The following HMBOX1 variants were observed in gnomAD, a reference collection of about 807,000 sequenced individuals.
The protein encoded by HMBOX1 is homeobox containing 1.
Under a neutral mutation model 54.5 loss-of-function variants are expected in HMBOX1, and 14 were observed. The ratio of observed to expected loss-of-function variants is 0.26; its 90% CI spans 0.17 to 0.40. HMBOX1 has a LOEUF of 0.40. Ranked by LOEUF, HMBOX1 falls within the 10% of genes least tolerant of loss-of-function variation. The pLI is 1.00. For synonymous variants in HMBOX1, 160 were observed against 181.0 expected, an observed-to-expected ratio of 0.88 and a Z score of 0.93; for missense variants, 332 against 514.4, an observed-to-expected ratio of 0.65 and a Z score of 3.43.
chr8:29,009,419 T>C (rs150918947), intron 5 of HMBOX1: 1 of 976,894 alleles, frequency 1.0e-6, no homozygotes, highest in South Asian at 4.8e-5. Flanking sequence ...CTCTTTGCTT[T>C]CAGGTTATAT....
At chr8:28,923,041 A>G (rs1217054775) in intron 1 of HMBOX1, among the ~76,000 whole-genome samples, 4 of 152,234 alleles carry the variant, frequency 2.6e-5, no homozygotes, top group African/African-American at 7.2e-5. Flanking sequence ...TGACTATTTT[A>G]ACTATTTTAA....
At chr8:29,049,649 G>T (rs968731870) in intron 9 of HMBOX1, 5 of 392,934 alleles carry the variant, frequency 1.3e-5, no homozygotes, top group African/African-American at 9.9e-5. Context: ...ATTGCTTTTG[G>T]GGAAAATGTA....
chr8:29,012,905 A>AT (rs886448251), intron 5 of HMBOX1, among the ~76,000 whole-genome samples: 39 of 151,814 alleles, frequency 2.6e-4, no homozygotes, highest in African/African-American at 7.2e-4. Flanking sequence ...TTATTTCATA[A>AT]TTTTTTTTTC....
intron 4 of HMBOX1, among the ~76,000 whole-genome samples, chr8:28,984,288 A>G (rs1427747663): frequency 6.6e-6 from 1 of 152,232 alleles, no homozygotes; most frequent in Non-Finnish European, 1.5e-5. Flanking sequence ...AAAAGATTTA[A>G]GTTCAACTCT....
At chr8:28,937,095 G>A (rs1484454031) in intron 1 of HMBOX1, among the ~76,000 whole-genome samples, 1 of 152,164 alleles carries the variant, frequency 6.6e-6, no homozygotes, top group African/African-American at 2.4e-5. Context: ...CAGACCGGAA[G>A]GAAGATGTGA....
chr8:28,990,954 C>T (rs1174249427), intron 4 of HMBOX1, among the ~76,000 whole-genome samples: 2 of 152,034 alleles, frequency 1.3e-5, no homozygotes, highest in African/African-American at 4.8e-5. Context: ...GTGCCCGGCT[C>T]TTTCTAGTCT....
At chr8:28,927,818 C>T (rs1483969000) in intron 1 of HMBOX1, among the ~76,000 whole-genome samples, 2 of 94,448 alleles carry the variant, frequency 2.1e-5, no homozygotes, top group African/African-American at 4.1e-5. Flanking sequence ...GCAACAAAAG[C>T]GAAACTCAGT....
chr8:28,999,506 T>C (rs1832325146), intron 4 of HMBOX1, among the ~76,000 whole-genome samples: 1 of 152,172 alleles, frequency 6.6e-6, no homozygotes, highest in African/African-American at 2.4e-5. Context: ...GGATTCCCAT[T>C]ATATGTGTAT....
intron 1 of HMBOX1, among the ~76,000 whole-genome samples, chr8:28,934,426 T>C (rs1585903704): frequency 6.6e-6 from 1 of 152,204 alleles, no homozygotes. Flanking sequence ...TTTCTGCAGG[T>C]ACTACTGCTA....
intron 1 of HMBOX1, among the ~76,000 whole-genome samples, chr8:28,892,249 T>A (rs1451864741): frequency 1.3e-5 from 2 of 152,244 alleles, no homozygotes; most frequent in Non-Finnish European, 2.9e-5. Flanking sequence ...ATTAAGTTGC[T>A]TGATCTAGCT....
At chr8:28,920,819 T>A (rs1020156471) in intron 1 of HMBOX1, among the ~76,000 whole-genome samples, 8 of 152,196 alleles carry the variant, frequency 5.3e-5, no homozygotes, top group African/African-American at 1.9e-4. Flanking sequence ...GATGAAATAA[T>A]CATAGTGGAG....
Position 29,051,648 on chromosome 8 carries a change from A to C in HMBOX1, c.*493A>C. On this transcript the variant is annotated 3_prime_UTR_variant, in exon 10 of 10. Coordinates refer to ENST00000287701, the MANE Select transcript of HMBOX1 (RefSeq NM_001135726.3). ...AAAGGAACACTAGAATCCCCACCTCAGCGTGAGGATAATTGATTTCCAGCT... is the reference window on the plus strand; with the variant it reads ...AAAGGAACACTAGAATCCCCACCTCCGCGTGAGGATAATTGATTTCCAGCT... 1 of 702,324 alleles carries C rather than the reference A, an allele frequency of 1.4e-6. No individual in the cohort carries two copies. The highest frequency in any genetic ancestry group is 2.7e-5 in the East Asian group (1 of 37,260). 43.5% of individuals were successfully genotyped at this position (702,324 alleles called of 1,614,324 possible).
intron 4 of HMBOX1, among the ~76,000 whole-genome samples, chr8:29,003,262 T>C (rs1185505575): frequency 6.6e-6 from 1 of 151,894 alleles, no homozygotes. Context: ...AGGTTGTACA[T>C]AGAGTGTCAT....
chr8:29,001,858 G>A (rs1324329104), intron 4 of HMBOX1, among the ~76,000 whole-genome samples: 1 of 152,194 alleles, frequency 6.6e-6, no homozygotes, highest in Non-Finnish European at 1.5e-5. Context: ...ATAACCATGA[G>A]TGTACAGCTG....
At chr8:28,939,240 G>C (rs1262748969) in intron 1 of HMBOX1, among the ~76,000 whole-genome samples, 1 of 150,310 alleles carries the variant, frequency 6.7e-6, no homozygotes, top group Non-Finnish European at 1.5e-5. Flanking sequence ...GGTGAGCCGA[G>C]ATTGCACCAT....
At chr8:28,954,406 G>A (rs1428614349) in intron 1 of HMBOX1, among the ~76,000 whole-genome samples, 2 of 152,096 alleles carry the variant, frequency 1.3e-5, no homozygotes, top group Admixed American at 6.6e-5. Context: ...CTCTCCCAAT[G>A]ATGGCTTGCT....
At chr8:28,954,960 A>G (rs890544678) in intron 1 of HMBOX1, among the ~76,000 whole-genome samples, 1 of 152,176 alleles carries the variant, frequency 6.6e-6, no homozygotes, top group Non-Finnish European at 1.5e-5. Flanking sequence ...CTGGCAATAC[A>G]GTATCGACAG....
Position 28,904,970 on chromosome 8 carries a change from C to T in HMBOX1, c.-58+14292C>T, listed in dbSNP as rs964926209. Among the ~76,000 whole-genome samples the T allele has an allele frequency of 1.4e-4, 22 of 152,036 alleles. 1 individual carries two copies. The highest frequency in any genetic ancestry group is 1.9e-4 in the East Asian group (1 of 5,178). On this transcript the variant is annotated intron_variant, in intron 1 of 9. Transcript: ENST00000287701. The stretch of plus-strand genomic sequence containing the variant: ...GATTACAGGCATGAGCTACTGCGCC[C>T]GGCCTCTTCACACTCTTATTTTGTT...
chr8:29,029,629 C>T (rs575757706), intron 6 of HMBOX1, among the ~76,000 whole-genome samples: 1 of 152,132 alleles, frequency 6.6e-6, no homozygotes, highest in African/African-American at 2.4e-5. Context: ...GATCAAGAAC[C>T]TGTAATTCAA....
Sources: gnomAD v4.1 joint callset for allele counts (sites outside exome capture counted in the v4.1 genomes callset) on GRCh38, gnomAD v4.1.1 for gene constraint, MANE v1.5 for transcripts, NCBI Gene and HGNC (gene_info 2026-07-23, HGNC 2026-07-21) for gene names.